The following CEACAM8 variants were observed in gnomAD, a reference collection of about 807,000 sequenced individuals.
The protein encoded by CEACAM8 is cell adhesion molecule CEACAM8.
In CEACAM8, 31 loss-of-function variants were observed where a neutral mutation model predicts 33.4. The ratio of observed to expected loss-of-function variants is 0.93; its 90% CI spans 0.70 to 1.25. The LOEUF (loss-of-function observed/expected upper bound fraction) is 1.25. Among genes scored for constraint, CEACAM8 ranks in the 50% most tolerant of loss-of-function variants. The pLI is 0.00. For synonymous variants in CEACAM8, 138 were observed against 164.5 expected (o/e 0.84, Z 1.23); for missense variants, 388 against 434.6 (o/e 0.89, Z 0.95).
At chr19:42,593,315 T>C (rs2042480101) in intron 2 of CEACAM8, among the ~76,000 whole-genome samples, 1 of 152,152 alleles carries the variant, frequency 6.6e-6, no homozygotes, top group Admixed American at 6.5e-5. Flanking sequence ...AGTCCCCCCA[T>C]CAGACTGTCA....
In CEACAM8 at chr19:42,593,140, G is replaced by A. The variant is rs546607415; in HGVS notation, c.424+401C>T. Among the ~76,000 whole-genome samples the A allele has an allele frequency of 2.0e-5, 3 of 152,348 alleles. No individual in the cohort carries two copies. In the South Asian group the frequency reaches 6.2e-4, roughly 32 times the overall value. The stretch of plus-strand genomic sequence containing the variant: ...TACCTGGAGTCAGGATCCTGGGACA[G>A]GGGTCTGGAGCAGGGGCTTCCAGGG... On this transcript the variant is annotated intron_variant, in intron 2 of 5. Transcript: ENST00000244336.
At chr19:42,587,066 TAA>T (rs1020326160) in intron 4 of CEACAM8, among the ~76,000 whole-genome samples, 1 of 151,450 alleles carries the variant, frequency 6.6e-6, no homozygotes, top group African/African-American at 2.4e-5. Flanking sequence ...TGGCTTTGAT[TAA>T]AAAAAAACCA....
In CEACAM8 at chr19:42,593,529, G is replaced by A; in HGVS notation, c.424+12C>T. On this transcript the variant is annotated intron_variant, in intron 2 of 5. Transcript: ENST00000244336. ...GACCCCCAACACCCAGAGGTCATGG[G>A]GAATCACTCACGATGTACGCTGAAC... 1 of 1,551,096 alleles carries A rather than the reference G, an allele frequency of 6.4e-7. No individual in the cohort carries two copies. Among genetic ancestry groups the A allele is most frequent in the Admixed American group, 1.9e-5 (1 of 53,680 alleles).
chr19:42,584,911 G>C (rs2042309875), intron 4 of CEACAM8, among the ~76,000 whole-genome samples: 1 of 152,056 alleles, frequency 6.6e-6, no homozygotes, highest in African/African-American at 2.4e-5. Flanking sequence ...ACCAAAAGTT[G>C]GTTCTTCAAA....
chr19:42,588,333 C>T (rs904370284), intron 4 of CEACAM8, among the ~76,000 whole-genome samples: 9 of 152,232 alleles, frequency 5.9e-5, no homozygotes, highest in African/African-American at 1.9e-4. Context: ...GCTCCTCCGT[C>T]ATCCAAGGGG....
At chr19:42,592,380 G>A (rs944121740) in intron 2 of CEACAM8, among the ~76,000 whole-genome samples, 1 of 151,972 alleles carries the variant, frequency 6.6e-6, no homozygotes, top group Non-Finnish European at 1.5e-5. Context: ...CGAGGCAGGC[G>A]GATCATGAGG....
chr19:42,587,120 T>C (rs572479477), intron 4 of CEACAM8, among the ~76,000 whole-genome samples: 1 of 151,874 alleles, frequency 6.6e-6, no homozygotes, highest in South Asian at 2.1e-4. Flanking sequence ...AGTGGAAAAA[T>C]TGGAGCTCTA....
intron 2 of CEACAM8, 27 bp from the exon 3 acceptor site, chr19:42,589,762 C>T (rs574998590): frequency 1.9e-6 from 3 of 1,613,938 alleles, no homozygotes; most frequent in African/African-American, 1.3e-5. Flanking sequence ...GAGAAGATTG[C>T]CCTGTGTGGC....
intron 1 of CEACAM8, 113 bp from the exon 2 acceptor site, chr19:42,594,013 C>A: frequency 8.8e-7 from 1 of 1,139,282 alleles, no homozygotes; most frequent in Non-Finnish European, 1.2e-6. Context: ...GTGTGTGTGT[C>A]CTACTGAGTC....
At chr19:42,589,842 C>A in intron 2 of CEACAM8, 107 bp from the exon 3 acceptor site, 1 of 1,576,798 alleles carries the variant, frequency 6.3e-7, no homozygotes, top group Non-Finnish European at 8.6e-7. Flanking sequence ...TACTCGAGTC[C>A]TTAAAAGCCC....
chr19:42,584,436 A>G (rs1171394172), intron 4 of CEACAM8, among the ~76,000 whole-genome samples: 1 of 152,222 alleles, frequency 6.6e-6, no homozygotes. Flanking sequence ...ATGAAACGAC[A>G]GAGGCTTAGA....
Position 42,593,590 on chromosome 19 carries a change from T to G in CEACAM8, c.375A>C (p.Ile125=). The change falls in exon 2 of 6, where the codon ATA becomes ATC. Residue 125 remains isoleucine, a synonymous_variant. Transcript: ENST00000244336. ...NDTGSYTLQV[I]KLNLMSEEVT... is the part of the protein sequence containing the mutation. The stretch of plus-strand genomic sequence containing the variant: ...CTTCTTCACTCATAAGATTTAGCTT[T>G]ATGACTTGTAGGGTGTAGGATCCTG... The G allele has an allele frequency of 6.2e-7, 1 of 1,602,006 alleles. No individual in the cohort carries two copies. The highest frequency in any genetic ancestry group is 1.7e-4 in the Middle Eastern group (1 of 5,986).
At chr19:42,589,134 AC>A in intron 3 of CEACAM8, 96 bp from the exon 4 acceptor site, 7 of 1,479,594 alleles carry the variant, frequency 4.7e-6, no homozygotes, top group Non-Finnish European at 6.4e-6. Context: ...GAGCCAAGTC[AC>A]AAACCTGAGC....
At chr19:42,591,287 C>T (rs751141409) in intron 2 of CEACAM8, among the ~76,000 whole-genome samples, 1 of 152,222 alleles carries the variant, frequency 6.6e-6, no homozygotes, top group African/African-American at 2.4e-5. Context: ...AAGGTTTAGG[C>T]GTCCTGTGAA....
chr19:42,588,773 G>A lies in CEACAM8; in HGVS notation c.958+11C>T. 6.2e-7 allele frequency: 1 copy of A among 1,613,820 alleles called. No individual in the cohort carries two copies. The highest frequency in any genetic ancestry group is 8.5e-7 in the Non-Finnish European group (1 of 1,179,736). ...GAAAACATACTGCCAGTGCTCCAGG[G>A]ATCCACTTACCAGAGACTGTGATCA... On this transcript the variant is annotated intron_variant, in intron 4 of 5. Transcript: ENST00000244336.
intron 2 of CEACAM8, among the ~76,000 whole-genome samples, chr19:42,590,068 T>C (rs1341447564): frequency 6.6e-6 from 1 of 152,220 alleles, no homozygotes; most frequent in Non-Finnish European, 1.5e-5. Context: ...CTAGGGGTCC[T>C]CACCTGGAAC....
intron 4 of CEACAM8, among the ~76,000 whole-genome samples, chr19:42,584,849 A>G (rs1488172381): frequency 6.6e-6 from 1 of 152,232 alleles, no homozygotes; most frequent in Non-Finnish European, 1.5e-5. Context: ...TAAGGATTAG[A>G]GTGGATATAA....
At chr19:42,593,947 G>A in intron 1 of CEACAM8, 47 bp from the exon 2 acceptor site, 1 of 1,528,538 alleles carries the variant, frequency 6.5e-7, no homozygotes, top group Middle Eastern at 1.9e-4. Flanking sequence ...ATATGTATTG[G>A]AGTAGAAAAA....
chr19:42,587,119 AT>A (rs951829024), intron 4 of CEACAM8, among the ~76,000 whole-genome samples: 42 of 152,224 alleles, frequency 2.8e-4, no homozygotes, highest in African/African-American at 4.8e-5. Flanking sequence ...AAGTGGAAAA[AT>A]TGGAGCTCTA....
Sources: gnomAD v4.1 joint callset for allele counts (sites outside exome capture counted in the v4.1 genomes callset) on GRCh38, gnomAD v4.1.1 for gene constraint, MANE v1.5 for transcripts, NCBI Gene and HGNC (gene_info 2026-07-23, HGNC 2026-07-21) for gene names.